Variants in RAB11FIP3 observed in about 807,000 individuals in gnomAD.
The protein encoded by RAB11FIP3 is RAB11 family interacting protein 3, also known as rab11 family-interacting protein 3.
RAB11FIP3 carries 17 observed loss-of-function variants against 77.8 expected under a neutral mutation model. That is an observed-to-expected ratio of 0.22 (90% CI 0.15 to 0.33). RAB11FIP3 has a LOEUF of 0.33. RAB11FIP3 is among the 10% of genes least tolerant of loss of function. The pLI is 1.00. For synonymous variants in RAB11FIP3, 437 were observed against 448.2 expected (o/e 0.98, Z 0.31); for missense variants, 1,005 against 1,011.2 (o/e 0.99, Z 0.08).
intron 4 of RAB11FIP3, among the ~76,000 whole-genome samples, chr16:486,441 C>T (rs997785928): frequency 7.2e-5 from 11 of 152,164 alleles, no homozygotes; most frequent in Non-Finnish European, 1.2e-4. Context: ...TGCAGTGAGC[C>T]GAGATGGCAC....
rs377388853 is a variant in RAB11FIP3, at chr16:444,208, G to A, written c.715-17196G>A. On this transcript the variant is annotated intron_variant, in intron 1 of 13. Coordinates refer to ENST00000262305, the MANE Select transcript of RAB11FIP3 (RefSeq NM_014700.4). Reference sequence around the variant, plus strand: ...CTTTTGTGGTATTATCCTTTCTTACGAGTTTCAGATATAGGCCATCAGTCT... The same window carrying A: ...CTTTTGTGGTATTATCCTTTCTTACAAGTTTCAGATATAGGCCATCAGTCT... Among the ~76,000 whole-genome samples the A allele has an allele frequency of 3.9e-5, 6 of 152,070 alleles. No individual in the cohort carries two copies. In the East Asian group the frequency reaches 9.6e-4, roughly 24 times the overall value.
intron 6 of RAB11FIP3, among the ~76,000 whole-genome samples, chr16:502,206 C>T (rs2031571656): frequency 6.6e-6 from 1 of 152,272 alleles, no homozygotes; most frequent in African/African-American, 2.4e-5. Context: ...ACAGATTCAC[C>T]ACAGCGAATC....
intron 5 of RAB11FIP3, among the ~76,000 whole-genome samples, chr16:491,498 G>A (rs1011124301): frequency 1.3e-5 from 2 of 152,200 alleles, no homozygotes; most frequent in East Asian, 1.9e-4. Flanking sequence ...GGAAGTGATC[G>A]GTCTTTGCAA....
intron 6 of RAB11FIP3, among the ~76,000 whole-genome samples, chr16:498,644 G>A (rs907597224): frequency 1.3e-5 from 2 of 151,998 alleles, no homozygotes; most frequent in South Asian, 2.1e-4. Context: ...TCAGCCTCCC[G>A]AGCAGCTGAG....
intron 6 of RAB11FIP3, chr16:502,669 G>A (rs2031597663): frequency 2.6e-6 from 1 of 390,790 alleles, no homozygotes. Context: ...GCGAAGAAGG[G>A]CATGTTTTAT....
At chr16:467,678 G>A (rs1266675839) in intron 2 of RAB11FIP3, among the ~76,000 whole-genome samples, 6 of 87,444 alleles carry the variant, frequency 6.9e-5, no homozygotes, top group African/African-American at 1.9e-4. Flanking sequence ...AGGTGCAGGG[G>A]CGTCAGGGAG....
intron 1 of RAB11FIP3, among the ~76,000 whole-genome samples, chr16:450,824 G>A (rs1398210260): frequency 1.4e-5 from 2 of 141,602 alleles, no homozygotes; most frequent in African/African-American, 5.3e-5. Flanking sequence ...AGAGCCTCCC[G>A]CTCCCTCCCT....
chr16:515,395 G>GA (rs1456025625), intron 9 of RAB11FIP3, among the ~76,000 whole-genome samples: 2 of 152,184 alleles, frequency 1.3e-5, no homozygotes, highest in Admixed American at 6.5e-5. Flanking sequence ...GTGCAGCCCA[G>GA]AAAGCACAGC....
chr16:492,479 C>CTCCCGGGAGACCCG, intron 5 of RAB11FIP3, among the ~76,000 whole-genome samples: 1 of 111,870 alleles, frequency 8.9e-6, no homozygotes, highest in Non-Finnish European at 2.1e-5. Flanking sequence ...CGAGGCCGCC[C>CTCCCGGGAGACCCG]AGGGCCCTCC....
chr16:492,371 G>A (rs1567391838), intron 5 of RAB11FIP3, among the ~76,000 whole-genome samples: 2 of 145,420 alleles, frequency 1.4e-5, no homozygotes, highest in South Asian at 4.4e-4. Context: ...CTTCCCGGGA[G>A]ACCCGAGGCC....
intron 5 of RAB11FIP3, among the ~76,000 whole-genome samples, chr16:489,715 C>CT (rs147888997): frequency 1.4e-4 from 21 of 152,362 alleles, no homozygotes; most frequent in African/African-American, 4.3e-4. Flanking sequence ...AGAGTCTTCC[C>CT]TTGCCTGCTG....
At chr16:488,060 G>A (rs768933760) in intron 4 of RAB11FIP3, among the ~76,000 whole-genome samples, 14 of 152,304 alleles carry the variant, frequency 9.2e-5, no homozygotes, top group African/African-American at 3.1e-4. Context: ...AAATGACTGC[G>A]TGTTGGGCTA....
At chr16:433,079 G>A (rs548129998) in intron 1 of RAB11FIP3, among the ~76,000 whole-genome samples, 4 of 92,828 alleles carry the variant, frequency 4.3e-5, no homozygotes, top group East Asian at 3.2e-4. Context: ...TCTTGCCCAG[G>A]CTGGAGTGCA....
intron 2 of RAB11FIP3, among the ~76,000 whole-genome samples, chr16:468,409 T>A (rs1489686190): frequency 1.3e-5 from 2 of 151,930 alleles, no homozygotes; most frequent in African/African-American, 2.4e-5. Flanking sequence ...TCATGATTTA[T>A]GTTTCGTTCG....
At chr16:488,667 C>T (rs1269757382) in intron 4 of RAB11FIP3, among the ~76,000 whole-genome samples, 184 bp from the exon 5 acceptor site, 1 of 151,946 alleles carries the variant, frequency 6.6e-6, no homozygotes, top group African/African-American at 2.4e-5. Context: ...CCTTGGCCTC[C>T]CAAAGTGCTG....
Position 426,445 on chromosome 16 carries a change from G to A in RAB11FIP3, c.439G>A (p.Gly147Arg). The stretch of plus-strand genomic sequence containing the variant: ...GGAGAGCGCGCCTTTCCGCTTGCAG[G>A]GGTCCAGCAGCAGCCACCGAGCGCG... ...CPESAPFRLQ[G>R]SSSSHRARGE... Residue 147 changes from glycine (G) to arginine (R), a missense_variant, in exon 1 of 14, where the codon GGG (glycine) becomes AGG (arginine). Transcript: ENST00000262305. This position sits in a 1 kb window ranked among gnomAD's most constrained non-coding sequence, Gnocchi z 5.0. 6.3e-7 allele frequency: 1 copy of A among 1,584,840 alleles called. No homozygotes were observed. Among genetic ancestry groups the A allele is most frequent in the African/African-American group, 1.3e-5 (1 of 74,330 alleles).
At chr16:444,607 G>C (rs945904961) in intron 1 of RAB11FIP3, among the ~76,000 whole-genome samples, 1 of 152,200 alleles carries the variant, frequency 6.6e-6, no homozygotes, top group Non-Finnish European at 1.5e-5. Context: ...CAGCACTCTG[G>C]GAGGCTGAGG....
rs146257910 is a variant in RAB11FIP3, at chr16:445,778, C to T, written c.715-15626C>T. On this transcript the variant is annotated intron_variant, in intron 1 of 13. Coordinates refer to ENST00000262305, the MANE Select transcript of RAB11FIP3 (RefSeq NM_014700.4). ...CATTTCTCCCCATCTGTGCTCTCGG[C>T]GGGAGGTGCTTTGTGCCCACTTGGC... Among the ~76,000 whole-genome samples, 343 of 152,200 alleles carry T rather than the reference C, an allele frequency of 2.3e-3. 2 individuals are homozygous for T. Among genetic ancestry groups the T allele is most frequent in the African/African-American group, 7.1e-3 (294 of 41,538 alleles).
chr16:508,272 G>A (rs933574110), intron 8 of RAB11FIP3, among the ~76,000 whole-genome samples: 7 of 152,236 alleles, frequency 4.6e-5, no homozygotes, highest in Non-Finnish European at 8.8e-5. Flanking sequence ...GGGCCTTGAT[G>A]TTCTCTGTAA....
Sources: gnomAD v4.1 joint callset for allele counts (sites outside exome capture counted in the v4.1 genomes callset) on GRCh38, gnomAD v4.1.1 for gene constraint, Gnocchi (gnomAD v3.1) non-coding constraint, MANE v1.5 for transcripts, NCBI Gene and HGNC (gene_info 2026-07-23, HGNC 2026-07-21) for gene names.